Variants in FAM170A observed in about 807,000 individuals in gnomAD.
The protein encoded by FAM170A is family with sequence similarity 170 member A.
Under a neutral mutation model 36.6 loss-of-function variants are expected in FAM170A, and 28 were observed. That is an observed-to-expected ratio of 0.76 (90% CI 0.57 to 1.05). FAM170A has a LOEUF of 1.05. Among genes scored for constraint, FAM170A ranks in the 50% least tolerant of loss-of-function variants. The pLI, the probability that FAM170A is intolerant of heterozygous loss-of-function variation, is 0.00. For synonymous variants in FAM170A, 156 were observed against 143.9 expected, an observed-to-expected ratio of 1.08 and a Z score of -0.60; for missense variants, 434 against 396.5, an observed-to-expected ratio of 1.09 and a Z score of -0.80.
At chr5:119,630,132 C>A (rs1482915285) in intron 1 of FAM170A, among the ~76,000 whole-genome samples, 12 of 142,756 alleles carry the variant, frequency 8.4e-5, no homozygotes, top group South Asian at 6.8e-4. Flanking sequence ...ACCTCCTGAT[C>A]CGCCTGCCTC....
intron 3 of FAM170A, 36 bp from the exon 4 acceptor site, chr5:119,634,992 T>G: frequency 6.2e-7 from 1 of 1,613,548 alleles, no homozygotes; most frequent in Non-Finnish European, 8.5e-7. Context: ...TCGCATTAAC[T>G]AAGAAGTGTC....
intron 3 of FAM170A, 64 bp from the exon 4 acceptor site, chr5:119,634,964 T>G: frequency 6.2e-7 from 1 of 1,604,338 alleles, no homozygotes; most frequent in South Asian, 1.1e-5. Context: ...CTGCAGGAAA[T>G]TCTGAGAATT....
chr5:119,632,521 A>G (rs1424471057), intron 1 of FAM170A, among the ~76,000 whole-genome samples: 1 of 152,242 alleles, frequency 6.6e-6, no homozygotes, highest in Non-Finnish European at 1.5e-5. Context: ...TACGCTTCAG[A>G]CGTACTCATA....
chr5:119,633,758 T>C (rs1049430599), intron 2 of FAM170A, among the ~76,000 whole-genome samples: 4 of 152,030 alleles, frequency 2.6e-5, no homozygotes, highest in African/African-American at 7.3e-5. Flanking sequence ...CACACCCCTG[T>C]ATATGGACAC....
intron 1 of FAM170A, among the ~76,000 whole-genome samples, chr5:119,630,464 C>T (rs1756225560): frequency 6.6e-6 from 1 of 151,804 alleles, no homozygotes; most frequent in Non-Finnish European, 1.5e-5. Context: ...AGCCATCGCT[C>T]CCGGCCAGCC....
At chr5:119,633,159 C>T (rs190975866) in intron 2 of FAM170A, among the ~76,000 whole-genome samples, 1 of 151,982 alleles carries the variant, frequency 6.6e-6, no homozygotes, top group South Asian at 2.1e-4. Flanking sequence ...GTATGTGACT[C>T]TTTGGGTGCT....
rs541532471 is a variant in FAM170A at position 119,634,698 on chromosome 5, G to A, written c.950G>A (p.Cys317Tyr). The stretch of plus-strand genomic sequence containing the variant: ...GGCCTGAGGAGATCCTGGAGCCAAT[G>A]TCCAGGCTGTGTGTTTCATTCTCCA... Residue 317 changes from cysteine to tyrosine, a missense_variant, in exon 3 of 5, where the codon TGT (cysteine) becomes TAT (tyrosine). Cys to Tyr is a radical substitution (Grantham distance 194). Coordinates refer to ENST00000613773, the Ensembl canonical transcript of FAM170A. 13 of 1,554,150 alleles carry A rather than the reference G, an allele frequency of 8.4e-6. No homozygotes were observed. In the African/African-American group the frequency reaches 1.6e-4, roughly 20 times the overall value.
chr5:119,634,171 C>T (rs1333968759), exon 3 of FAM170A: 3 of 1,614,216 alleles, frequency 1.9e-6, no homozygotes, highest in Non-Finnish European at 2.5e-6. Flanking sequence ...GTGTGGCTGT[C>T]TCCTGGGAGA....
intron 1 of FAM170A, among the ~76,000 whole-genome samples, chr5:119,632,066 A>G (rs1028025102): frequency 6.6e-6 from 1 of 152,132 alleles, no homozygotes; most frequent in Non-Finnish European, 1.5e-5. Context: ...TACTTACGCT[A>G]AAAAAATTAT....
At chr5:119,633,960 G>T in exon 3 of FAM170A, 3 of 1,603,394 alleles carry the variant, frequency 1.9e-6, no homozygotes, top group Non-Finnish European at 2.6e-6. Flanking sequence ...CCTTTCCCAG[G>T]AATCCAGAGA....
At chr5:119,632,980 A>G (rs906631028) in intron 2 of FAM170A, 92 bp downstream of exon 2, 14 of 1,398,084 alleles carry the variant, frequency 1.0e-5, no homozygotes, top group Non-Finnish European at 3.8e-6. Flanking sequence ...TGTGGGCATG[A>G]GACTCTTTGG....
intron 2 of FAM170A, 129 bp downstream of exon 2, chr5:119,633,017 C>A: frequency 9.4e-7 from 1 of 1,064,356 alleles, no homozygotes; most frequent in Non-Finnish European, 1.3e-6. Flanking sequence ...GTGTAAGACT[C>A]TTTGGGAGTG....
exon 3 of FAM170A, chr5:119,634,019 G>C (rs1756315670): frequency 1.3e-5 from 21 of 1,613,988 alleles, no homozygotes; most frequent in Non-Finnish European, 1.7e-5. Flanking sequence ...CCAGGTTCAG[G>C]AACGAGGAGA....
At chr5:119,631,333 A>T (rs1316794528) in intron 1 of FAM170A, among the ~76,000 whole-genome samples, 1 of 152,110 alleles carries the variant, frequency 6.6e-6, no homozygotes, top group African/African-American at 2.4e-5. Context: ...AGGAAGGGGA[A>T]GGCAATGGTT....
intron 2 of FAM170A, among the ~76,000 whole-genome samples, chr5:119,633,090 T>C (rs1280705319): frequency 6.6e-6 from 1 of 152,006 alleles, no homozygotes; most frequent in Non-Finnish European, 1.5e-5. Context: ...TCCTTGGATG[T>C]GACATTCTCT....
At chr5:119,632,069 AAAATTATTTGT>A (rs1467059975) in intron 1 of FAM170A, among the ~76,000 whole-genome samples, 1 of 152,178 alleles carries the variant, frequency 6.6e-6, no homozygotes, top group Non-Finnish European at 1.5e-5. Context: ...TTACGCTAAA[AAAATTATTTGT>A]AATTTATCTA....
At chr5:119,632,693 G>T (rs2126972650) in intron 1 of FAM170A, 55 bp from the exon 2 acceptor site, 5 of 1,453,198 alleles carry the variant, frequency 3.4e-6, no homozygotes, top group East Asian at 2.4e-5. Flanking sequence ...GATGGTAAAT[G>T]ATGCACAAAC....
chr5:119,634,648 G>A (rs986175721), exon 3 of FAM170A: 25 of 1,605,010 alleles, frequency 1.6e-5, no homozygotes, highest in African/African-American at 4.0e-5. Context: ...AGGAGGAGGA[G>A]GGGCAGCCCA....
At chr5:119,631,365 T>G (rs963571158) in intron 1 of FAM170A, among the ~76,000 whole-genome samples, 4 of 152,138 alleles carry the variant, frequency 2.6e-5, no homozygotes, top group South Asian at 4.1e-4. Context: ...CATCTACCCT[T>G]ACATTTCAGA....
Sources: allele counts gnomAD v4.1 joint callset (sites outside exome capture counted in the v4.1 genomes callset), GRCh38; gene constraint gnomAD v4.1.1; transcripts MANE v1.5; gene names NCBI Gene and HGNC (gene_info 2026-07-23, HGNC 2026-07-21).